ADAMTSL5: variants seen among roughly 807,000 people sequenced by gnomAD.
ADAMTSL5 encodes ADAMTS like 5, also known as ADAMTS-like protein 5.
Under a neutral mutation model 51.7 loss-of-function variants are expected in ADAMTSL5, and 53 were observed. The observed-to-expected ratio is 1.03, with a 90% confidence interval of 0.82 to 1.29. ADAMTSL5 has a LOEUF of 1.29. Ranked by LOEUF, ADAMTSL5 falls within the 50% of genes most tolerant of loss-of-function variation. The pLI, the probability that ADAMTSL5 is intolerant of heterozygous loss-of-function variation, is 0.00. For synonymous variants in ADAMTSL5, 285 were observed against 278.7 expected, an observed-to-expected ratio of 1.02 and a Z score of -0.23; for missense variants, 770 against 676.2, an observed-to-expected ratio of 1.14 and a Z score of -1.54.
rs1415076466 is a variant in ADAMTSL5, at chr19:1,510,897, A to G, written c.47T>C (p.Leu16Pro). ...CAGCAGGGCCCACAGGAAGAGCAGG[A>G]GGTTCTGGAAGAGGTGGGGCCTGGG... The part of the protein sequence containing the change: ...LFPRPHLFQN[L>P]LLFLWALLNC... The change falls in exon 2 of 12, where the codon CTC becomes CCC. Residue 16 changes from leucine (L) to proline (P), a missense_variant. Coordinates refer to ENST00000330475, the MANE Select transcript of ADAMTSL5 (RefSeq NM_213604.3). 1 of 1,512,384 alleles carries G rather than the reference A, an allele frequency of 6.6e-7. No homozygotes were observed. Among genetic ancestry groups the G allele is most frequent in the South Asian group, 1.4e-5 (1 of 73,304 alleles). 93.7% of individuals were successfully genotyped at this position (1,512,384 alleles called of 1,614,324 possible). A position where few individuals can be genotyped will look rare whatever the true frequency, so the allele number is the denominator to read the frequency against.
chr19:1,507,712 A>C, intron 7 of ADAMTSL5, 69 bp from the exon 8 acceptor site: 1 of 1,453,826 alleles, frequency 6.9e-7, no homozygotes, highest in Non-Finnish European at 9.6e-7. Flanking sequence ...TTGAGGATTT[A>C]ATGAGCTACT....
chr19:1,507,216 T>A, intron 9 of ADAMTSL5, 26 bp downstream of exon 9: 2 of 1,523,678 alleles, frequency 1.3e-6, no homozygotes, highest in South Asian at 2.6e-5. Flanking sequence ...CGACCCCCTC[T>A]GACCCTGTTG....
rs572554659 is a variant in ADAMTSL5 at position 1,511,505 on chromosome 19, A to G, written c.-217-345T>C. ...TTATTGATATGTGTATTGTGCTATA[A>G]TGCAGACAGTAGGTGCTTAATCGAT... On this transcript the variant is annotated intron_variant, in intron 1 of 11. Transcript: ENST00000330475. 16 of 1,173,652 alleles carry G rather than the reference A, an allele frequency of 1.4e-5. No homozygotes were observed. In the South Asian group the frequency reaches 2.2e-4, roughly 16 times the overall value. 72.7% of individuals were successfully genotyped at this position (1,173,652 alleles called of 1,614,324 possible). A position where few individuals can be genotyped will look rare whatever the true frequency, so the allele number is the denominator to read the frequency against.
At chr19:1,511,794 AC>A in intron 1 of ADAMTSL5, 1 of 323,260 alleles carries the variant, frequency 3.1e-6, no homozygotes, top group South Asian at 2.4e-5. Context: ...CCTCAGCTGC[AC>A]CCCGGCCCCA....
chr19:1,508,676 G>A lies in ADAMTSL5; in HGVS notation c.362-106C>T, dbSNP rs1006391467. 6.4e-6 allele frequency: 9 copies of A among 1,402,668 alleles called. No homozygotes were observed. The African/African-American group carries it at 8.8e-5, about 14-fold the overall frequency. The allele number at this position is 1,402,668 out of a possible 1,614,324, so 86.9% of individuals were successfully genotyped here. A position where few individuals can be genotyped will look rare whatever the true frequency, so the allele number is the denominator to read the frequency against. On this transcript the variant is annotated intron_variant, in intron 5 of 11. Transcript: ENST00000330475. ...TCACTTTGGGCAGATGAAGCCCAGA[G>A]ATTTGGCCAAAGCCACACATCGAGG...
In ADAMTSL5 at chr19:1,506,611, G is replaced by A; in HGVS notation, c.1093C>T (p.His365Tyr). The A allele has an allele frequency of 6.2e-7, 1 of 1,612,176 alleles. No individual in the cohort carries two copies. Among genetic ancestry groups the A allele is most frequent in the Non-Finnish European group, 8.5e-7 (1 of 1,179,428 alleles). ...TCACCAAAGTCACTGCCGCAATAGTGGAGTAGTCGGTGGGCGCGGCCGCGG... is the reference window on the plus strand; with the variant it reads ...TCACCAAAGTCACTGCCGCAATAGTAGAGTAGTCGGTGGGCGCGGCCGCGG... ...DTRGRAHRLL[H>Y]YCGSDFVFQA... The change falls in exon 11 of 12, where the codon CAC (histidine) becomes TAC (tyrosine). Residue 365 changes from histidine to tyrosine, a missense_variant. Transcript: ENST00000330475. The surrounding 1 kb of genome is among the most constrained non-coding windows in gnomAD (Gnocchi z 5.6).
rs541917805 is a variant in ADAMTSL5, at chr19:1,510,840, C to A, written c.99+5G>T. ...GCCACCCCCTGGGCTCATGCCCCCC[C>A]TTACCTGAGCACTGACCCCCAAACC... is the stretch of plus-strand genomic sequence containing the variant. On this transcript the variant is annotated splice_donor_5th_base_variant and intron_variant, in intron 2 of 11. Coordinates refer to ENST00000330475, the MANE Select transcript of ADAMTSL5 (RefSeq NM_213604.3). The A allele has an allele frequency of 1.9e-6, 3 of 1,546,436 alleles. No individual in the cohort carries two copies. Among genetic ancestry groups the A allele is most frequent in the Non-Finnish European group, 1.7e-6 (2 of 1,152,856 alleles).
intron 7 of ADAMTSL5, 82 bp downstream of exon 7, chr19:1,507,916 G>A: frequency 7.0e-7 from 1 of 1,437,448 alleles, no homozygotes; most frequent in Non-Finnish European, 9.5e-7. Context: ...TGGCCAATCA[G>A]CACGGAAATT....
In ADAMTSL5 at chr19:1,510,698, C is replaced by G. The variant is rs751504863; in HGVS notation, c.132G>C (p.Trp44Cys). 2.5e-5 allele frequency: 39 copies of G among 1,542,810 alleles called. 3 individuals are homozygous for G. In the South Asian group the frequency reaches 4.7e-4, roughly 18 times the overall value. The stretch of plus-strand genomic sequence containing the variant: ...GCCCGCAGGAGCTGGAGCAGCGGGT[C>G]CAGGACACCCACGGGGTCCACTCGC... ...GPGEWTPWVS[W>C]TRCSSSCGRG... Residue 44 changes from tryptophan (W) to cysteine (C), a missense_variant, in exon 3 of 12, where the codon TGG becomes TGC. Coordinates refer to ENST00000330475, the MANE Select transcript of ADAMTSL5 (RefSeq NM_213604.3).
Position 1,506,959 on chromosome 19 carries a change from C to A in ADAMTSL5, c.853-31G>T. On this transcript the variant is annotated intron_variant, in intron 9 of 11. Transcript: ENST00000330475. This position sits in a 1 kb window ranked among gnomAD's most constrained non-coding sequence, Gnocchi z 5.6. ...GCAGGGGAGGGGACACAGGGAGCTT[C>A]ACAGGAGGCTGGGGTTGCCTCCTGC... is the stretch of plus-strand genomic sequence containing the variant. 1 of 1,531,166 alleles carries A rather than the reference C, an allele frequency of 6.5e-7. No homozygotes were observed. The highest frequency in any genetic ancestry group is 8.8e-7 in the Non-Finnish European group (1 of 1,141,042). 94.8% of individuals were successfully genotyped at this position (1,531,166 alleles called of 1,614,324 possible). A position where few individuals can be genotyped will look rare whatever the true frequency, so the allele number is the denominator to read the frequency against.
chr19:1,507,960 T>G, intron 7 of ADAMTSL5, 38 bp downstream of exon 7: 1 of 1,548,376 alleles, frequency 6.5e-7, no homozygotes, highest in South Asian at 1.2e-5. Context: ...AAGGGCCCAC[T>G]CTGACGTGTG....
intron 1 of ADAMTSL5, among the ~76,000 whole-genome samples, chr19:1,512,095 G>T (rs1176017434): frequency 4.0e-5 from 6 of 151,564 alleles, no homozygotes; most frequent in South Asian, 4.1e-4. Flanking sequence ...GGGGGAAAGA[G>T]GGGGGAAGGG....
Position 1,511,151 on chromosome 19 carries a change from A to T in ADAMTSL5, c.-208T>A, listed in dbSNP as rs565463247. ...AGCCCGGTATGGAGAGGAAGAACTC[A>T]GAATGTCATCTGCAATTATTATTGT... is the stretch of plus-strand genomic sequence containing the variant. On this transcript the variant is annotated 5_prime_UTR_variant, in exon 2 of 12. The change abolishes the stop of an existing upstream ORF in the 5' untranslated region. Coordinates refer to ENST00000330475, the MANE Select transcript of ADAMTSL5 (RefSeq NM_213604.3). The T allele has an allele frequency of 2.5e-6, 1 of 396,198 alleles. No individual in the cohort carries two copies. Among genetic ancestry groups the T allele is most frequent in the Non-Finnish European group, 4.4e-6 (1 of 226,404 alleles). The allele number at this position is 396,198 out of a possible 1,614,324, so 24.5% of individuals were successfully genotyped here.
chr19:1,508,509 G>T lies in ADAMTSL5; in HGVS notation c.423C>A (p.Gly141=). Residue 141 remains glycine, a synonymous_variant, in exon 6 of 12, where the codon GGC becomes GGA. Transcript: ENST00000330475. ...TGCAGGCGGTGCCGTCCAGGACGCG[G>T]CCGAAGCTGTGGTAGAAGGCGTGCC... is the stretch of plus-strand genomic sequence containing the variant. ...AEGHAFYHSF[G]RVLDGTACSP... 2 of 1,586,746 alleles carry T rather than the reference G, an allele frequency of 1.3e-6. No homozygotes were observed. The highest frequency in any genetic ancestry group is 1.7e-6 in the Non-Finnish European group (2 of 1,173,520).
At position 1,505,828 on chromosome 19, in the gene ADAMTSL5, C is replaced by A. The variant is rs1420048814; in HGVS notation, c.*187G>T. On this transcript the variant is annotated 3_prime_UTR_variant, in exon 12 of 12. Transcript: ENST00000330475. ...GTGCCTCCTCACCAGTGCCTGCCGG[C>A]TTGTGACAGTGGCTTTGACTGCATG... is the stretch of plus-strand genomic sequence containing the variant. 1.4e-6 allele frequency: 1 copy of A among 694,612 alleles called. No homozygotes were observed. Among genetic ancestry groups the A allele is most frequent in the African/African-American group, 1.9e-5 (1 of 53,214 alleles). The allele number at this position is 694,612 out of a possible 1,614,324, so 43.0% of individuals were successfully genotyped here.
chr19:1,507,674 G>A (rs1450042154), intron 7 of ADAMTSL5, 31 bp from the exon 8 acceptor site: 7 of 1,588,564 alleles, frequency 4.4e-6, no homozygotes, highest in South Asian at 1.1e-5. Flanking sequence ...GTGTTGGGGT[G>A]CCAGTGGGGG....
chr19:1,508,575 G>A lies in ADAMTSL5; in HGVS notation c.362-5C>T, dbSNP rs1032813793. On this transcript the variant is annotated splice_region_variant and splice_polypyrimidine_tract_variant and intron_variant, in intron 5 of 11. Coordinates refer to ENST00000330475, the MANE Select transcript of ADAMTSL5 (RefSeq NM_213604.3). ...TGAGGTCGCACTGGTTGGGCGCTGAGGGCAGGAGGAGTCGGTGGGCCGGGG... is the reference window on the plus strand; with the variant it reads ...TGAGGTCGCACTGGTTGGGCGCTGAAGGCAGGAGGAGTCGGTGGGCCGGGG... The A allele has an allele frequency of 5.9e-6, 9 of 1,537,526 alleles. No homozygotes were observed. Among genetic ancestry groups the A allele is most frequent in the Non-Finnish European group, 7.8e-6 (9 of 1,147,688 alleles).
chr19:1,510,904 G>A lies in ADAMTSL5; in HGVS notation c.40C>T (p.Gln14Ter). The change falls in exon 2 of 12, where the codon CAG (glutamine) becomes TAG (stop). Residue 14 changes from glutamine (Q) to a stop codon, truncating the protein, a stop_gained. Coordinates refer to ENST00000330475, the MANE Select transcript of ADAMTSL5 (RefSeq NM_213604.3). LOFTEE classifies it high-confidence loss of function. ...APLFPRPHLF[Q>*]NLLLFLWALL... ...GCCCACAGGAAGAGCAGGAGGTTCT[G>A]GAAGAGGTGGGGCCTGGGGAACAGA... The A allele has an allele frequency of 6.7e-7, 1 of 1,500,398 alleles. No homozygotes were observed. The highest frequency in any genetic ancestry group is 1.4e-5 in the South Asian group (1 of 71,064). 92.9% of individuals were successfully genotyped at this position (1,500,398 alleles called of 1,614,324 possible). A position where few individuals can be genotyped will look rare whatever the true frequency, so the allele number is the denominator to read the frequency against.
In ADAMTSL5 at chr19:1,510,737, G is replaced by C. The variant is rs1913222698; in HGVS notation, c.100-7C>G. ...GGGTCCACTCGCCCGGACCCTACTT[G>C]GGGAGACAGAGGCACGGTCAGCCTT... On this transcript the variant is annotated splice_polypyrimidine_tract_variant and splice_region_variant and intron_variant, in intron 2 of 11. Transcript: ENST00000330475. The C allele has an allele frequency of 6.5e-7, 1 of 1,530,946 alleles. No homozygotes were observed. Among genetic ancestry groups the C allele is most frequent in the Admixed American group, 2.0e-5 (1 of 48,806 alleles). 94.8% of individuals were successfully genotyped at this position (1,530,946 alleles called of 1,614,324 possible).
Sources: gnomAD v4.1 joint callset for allele counts (sites outside exome capture counted in the v4.1 genomes callset) on GRCh38, gnomAD v4.1.1 for gene constraint, Gnocchi (gnomAD v3.1) non-coding constraint, MANE v1.5 for transcripts, NCBI Gene and HGNC (gene_info 2026-07-23, HGNC 2026-07-21) for gene names.